The following CDKN2B-AS1 variants were observed in gnomAD, a reference collection of about 807,000 sequenced individuals.
The protein encoded by CDKN2B-AS1 is CDKN2B antisense RNA 1 (non-protein coding).
At position 21,997,856 on chromosome 9, in the gene CDKN2B-AS1, C is replaced by T. The variant is rs1309456610; in HGVS notation, n.29+2695C>T. 6.6e-6 allele frequency among the ~76,000 whole-genome samples: 1 copy of T among 152,096 alleles called. No homozygotes were observed. Among genetic ancestry groups the T allele is most frequent in the Non-Finnish European group, 1.5e-5 (1 of 68,018 alleles). ...CATACCAAATTAACTGTCACATTAT[C>T]CCGTCATGCCTGAGGGGTTCTCTGA... On this transcript the variant is annotated intron_variant and non_coding_transcript_variant, in intron 1 of 4. Transcript: ENST00000650946. This position sits in a 1 kb window ranked among gnomAD's most constrained non-coding sequence, Gnocchi z 4.8.
chr9:22,018,797 A>G (rs1004549134), intron 1 of CDKN2B-AS1, among the ~76,000 whole-genome samples: 3 of 152,222 alleles, frequency 2.0e-5, no homozygotes, highest in Admixed American at 2.0e-4. Context: ...AGCTATCTGT[A>G]ATATATTTAC....
chr9:22,012,690 T>G (rs1821565757), intron 1 of CDKN2B-AS1, among the ~76,000 whole-genome samples: 1 of 152,192 alleles, frequency 6.6e-6, no homozygotes, highest in African/African-American at 2.4e-5. Flanking sequence ...TTGCCCTCAT[T>G]TATGCACACT....
At chr9:22,080,166 A>G (rs1824646299) in intron 4 of CDKN2B-AS1, among the ~76,000 whole-genome samples, 1 of 152,236 alleles carries the variant, frequency 6.6e-6, no homozygotes, top group Admixed American at 6.5e-5. Flanking sequence ...GGCTCTGTGC[A>G]GTCAGATGTA....
intron 3 of CDKN2B-AS1, among the ~76,000 whole-genome samples, chr9:22,050,050 A>G (rs372870792): frequency 1.3e-5 from 2 of 152,190 alleles, no homozygotes; most frequent in Non-Finnish European, 2.9e-5. Context: ...CAGATTGTCC[A>G]TATCACTTAA....
Position 22,005,960 on chromosome 9 carries a change from CGTT to C in CDKN2B-AS1, n.29+10802_29+10804del. 6.3e-7 allele frequency: 1 copy of C among 1,598,336 alleles called. No homozygotes were observed. Among genetic ancestry groups the C allele is most frequent in the African/African-American group, 1.3e-5 (1 of 75,006 alleles). On this transcript the variant is annotated intron_variant and non_coding_transcript_variant, in intron 1 of 4. Coordinates refer to ENST00000650946, the Ensembl canonical transcript of CDKN2B-AS1. The surrounding 1 kb of genome is among the most constrained non-coding windows in gnomAD (Gnocchi z 4.9). Reference sequence around the variant, plus strand: ...GGGAAATTGGGTAAGAAAATAAAGTCGTTGTGGGCGGCTGGGGAACCTGGCGTC... The same window carrying C: ...GGGAAATTGGGTAAGAAAATAAAGTCGTGGGCGGCTGGGGAACCTGGCGTC...
At chr9:22,009,772 G>A (rs1222004623) in intron 1 of CDKN2B-AS1, among the ~76,000 whole-genome samples, 3 of 152,070 alleles carry the variant, frequency 2.0e-5, no homozygotes, top group African/African-American at 4.8e-5. Flanking sequence ...GCAGTACTTG[G>A]GCTTCACAAG....
rs535587699 is a variant in CDKN2B-AS1, at chr9:22,016,448, T to G, written n.29+21287T>G. 1.5e-4 allele frequency among the ~76,000 whole-genome samples: 23 copies of G among 152,324 alleles called. No homozygotes were observed. In the East Asian group the frequency reaches 4.2e-3, roughly 28 times the overall value. On this transcript the variant is annotated intron_variant and non_coding_transcript_variant, in intron 1 of 4. Transcript: ENST00000650946. Reference sequence around the variant, plus strand: ...TCTTCACAGAATTGGAAAAAACTACTTTAAAGTTCATATGGAACCAAAAAG... The same window carrying G: ...TCTTCACAGAATTGGAAAAAACTACGTTAAAGTTCATATGGAACCAAAAAG...
chr9:22,077,786 A>G (rs969376985), intron 4 of CDKN2B-AS1: 1 of 152,206 alleles, frequency 6.6e-6, no homozygotes, highest in Non-Finnish European at 1.5e-5. Context: ...GATTAGCTGT[A>G]TTATATTTGT....
intron 4 of CDKN2B-AS1, among the ~76,000 whole-genome samples, chr9:22,100,786 A>C (rs562740762): frequency 6.6e-6 from 1 of 152,296 alleles, no homozygotes; most frequent in East Asian, 1.9e-4. Context: ...GGAGGTTCCC[A>C]CTTCTCCACA....
intron 4 of CDKN2B-AS1, among the ~76,000 whole-genome samples, chr9:22,097,770 G>C (rs1010942165): frequency 6.6e-6 from 1 of 152,186 alleles, no homozygotes; most frequent in African/African-American, 2.4e-5. Context: ...GCATGTTTGT[G>C]CTTTCTGCTG....
At chr9:22,011,320 A>AT (rs1427877793) in intron 1 of CDKN2B-AS1, among the ~76,000 whole-genome samples, 5 of 152,266 alleles carry the variant, frequency 3.3e-5, no homozygotes, top group Admixed American at 2.0e-4. Context: ...TGTATAAAGA[A>AT]TATTATATAG....
chr9:22,071,544 T>C (rs542848589), intron 4 of CDKN2B-AS1, among the ~76,000 whole-genome samples: 1 of 152,216 alleles, frequency 6.6e-6, no homozygotes, highest in Non-Finnish European at 1.5e-5. Flanking sequence ...AATCTGGCAT[T>C]CTGTGTTCAT....
intron 3 of CDKN2B-AS1, among the ~76,000 whole-genome samples, chr9:22,050,672 T>G (rs1169120248): frequency 1.3e-5 from 2 of 152,206 alleles, no homozygotes; most frequent in East Asian, 3.8e-4. Flanking sequence ...GTGAAAAGTC[T>G]GTACTAAGAC....
chr9:21,998,950 A>G (rs1031471421), intron 1 of CDKN2B-AS1, among the ~76,000 whole-genome samples: 7 of 152,238 alleles, frequency 4.6e-5, no homozygotes, highest in Non-Finnish European at 1.0e-4. Flanking sequence ...AAATAAATAC[A>G]TAATCCAGTA....
chr9:22,025,771 C>T (rs534714186), intron 1 of CDKN2B-AS1, among the ~76,000 whole-genome samples: 1 of 152,238 alleles, frequency 6.6e-6, no homozygotes, highest in South Asian at 2.1e-4. Context: ...GCTGAAGACG[C>T]TAGTTGGGAG....
chr9:22,071,285 CTTTTTTTTTTTTTTTTTTTTT>C (rs71336509), intron 4 of CDKN2B-AS1, among the ~76,000 whole-genome samples: 2 of 67,588 alleles, frequency 3.0e-5, no homozygotes, highest in African/African-American at 1.4e-4. Context: ...AAATATCTAG[CTTTTTTTTTTTTTTTTTTTTT>C]TTTTTTTTTT....
intron 4 of CDKN2B-AS1, chr9:22,065,580 T>C (rs956877534): frequency 2.0e-5 from 3 of 152,212 alleles, no homozygotes; most frequent in Non-Finnish European, 4.4e-5. Flanking sequence ...AACGAACTTT[T>C]TGTTAAGGTA....
At chr9:22,059,102 C>G (rs1384772589) in intron 4 of CDKN2B-AS1, 1 of 152,390 alleles carries the variant, frequency 6.6e-6, no homozygotes, top group African/African-American at 2.4e-5. Flanking sequence ...TCACCCCTGG[C>G]CCCTCCAAAT....
intron 1 of CDKN2B-AS1, among the ~76,000 whole-genome samples, chr9:22,027,015 G>A (rs886599772): frequency 6.6e-6 from 1 of 152,030 alleles, no homozygotes; most frequent in Admixed American, 6.5e-5. Context: ...TCTGGTCTCC[G>A]TGGGTCGAGT....
Sources: allele counts gnomAD v4.1 joint callset (sites outside exome capture counted in the v4.1 genomes callset), GRCh38; gene constraint gnomAD v4.1.1; non-coding constraint Gnocchi (gnomAD v3.1); transcripts MANE v1.5; gene names NCBI Gene and HGNC (gene_info 2026-07-23, HGNC 2026-07-21).